USP31: variants seen among roughly 807,000 people sequenced by gnomAD.
The protein encoded by USP31 is ubiquitin carboxyl-terminal hydrolase 31.
USP31 carries 44 observed loss-of-function variants against 119.4 expected under a neutral mutation model. That is an observed-to-expected ratio of 0.37 (90% CI 0.29 to 0.47). USP31 has a LOEUF of 0.47. Among genes scored for constraint, USP31 ranks in the 20% least tolerant of loss-of-function variants. USP31 has a pLI of 0.99. For missense variants in USP31, 1,643 were observed against 1,730.2 expected (o/e 0.95, Z 0.89); for synonymous variants, 749 against 705.6 (o/e 1.06, Z -0.97).
chr16:23,068,823 T>C lies in USP31; in HGVS notation c.3282A>G (p.Gln1094=), dbSNP rs367578758. The C allele has an allele frequency of 5.1e-5, 80 of 1,555,206 alleles. No individual in the cohort carries two copies. The highest frequency in any genetic ancestry group is 2.8e-4 in the African/African-American group (20 of 72,646). Residue 1094 remains glutamine, a synonymous_variant, in exon 16 of 16, where the codon CAA becomes CAG. Transcript: ENST00000219689. The stretch of plus-strand genomic sequence containing the variant: ...ATTTCGGGGATGACTCCTTTTTGGG[T>C]TGGGCAGGGGCAGGGGATGAATGCC... ...SGRHSSPAPA[Q]PKKESSPKSQ...
At chr16:23,109,831 G>A (rs1902245897) in intron 1 of USP31, among the ~76,000 whole-genome samples, 1 of 123,778 alleles carries the variant, frequency 8.1e-6, no homozygotes, top group Non-Finnish European at 1.7e-5. Flanking sequence ...CAAACTGAGG[G>A]ACATTCTACC....
rs150921802 is a variant in USP31, at chr16:23,084,926, C to T, written c.1764G>A (p.Glu588=). 2.0e-5 allele frequency: 33 copies of T among 1,614,104 alleles called. No homozygotes were observed. In the East Asian group the frequency reaches 3.1e-4, roughly 15 times the overall value. Residue 588 remains glutamate (E), a synonymous_variant, in exon 11 of 16, where the codon GAG becomes GAA. Transcript: ENST00000219689. ...PDAESVRLQR[E]RHHQPQTCTL... Reference sequence around the variant, plus strand: ...TGCAGGTTTGAGGCTGATGATGACGCTCCCTTTGCAGACGAACACTTTCTG... The same window carrying T: ...TGCAGGTTTGAGGCTGATGATGACGTTCCCTTTGCAGACGAACACTTTCTG...
At chr16:23,136,077 G>A (rs748125782) in intron 1 of USP31, among the ~76,000 whole-genome samples, 13 of 152,038 alleles carry the variant, frequency 8.6e-5, no homozygotes, top group Admixed American at 1.3e-4. Flanking sequence ...TTCAACAAGG[G>A]TACCAAGATC....
intron 1 of USP31, among the ~76,000 whole-genome samples, chr16:23,130,090 T>A (rs1902982349): frequency 6.6e-6 from 1 of 152,092 alleles, no homozygotes; most frequent in African/African-American, 2.4e-5. Context: ...TGAACCAAAG[T>A]CTCTGATGCT....
At chr16:23,114,146 G>C (rs140109886) in intron 1 of USP31, among the ~76,000 whole-genome samples, 1 of 152,034 alleles carries the variant, frequency 6.6e-6, no homozygotes, top group Non-Finnish European at 1.5e-5. Context: ...GGGAAAAGGA[G>C]AGATTGATTT....
intron 1 of USP31, among the ~76,000 whole-genome samples, chr16:23,122,070 T>C (rs991695480): frequency 1.3e-4 from 20 of 152,236 alleles, no homozygotes; most frequent in African/African-American, 4.8e-4. Flanking sequence ...ATATCAATTA[T>C]GTTATGCACA....
intron 1 of USP31, among the ~76,000 whole-genome samples, chr16:23,142,160 T>C (rs1006255797): frequency 6.6e-6 from 1 of 152,240 alleles, no homozygotes; most frequent in African/African-American, 2.4e-5. Flanking sequence ...ATCCCATGTA[T>C]TTTTATTCCT....
intron 1 of USP31, among the ~76,000 whole-genome samples, chr16:23,125,719 C>T (rs1902831608): frequency 6.6e-6 from 1 of 152,168 alleles, no homozygotes; most frequent in African/African-American, 2.4e-5. Flanking sequence ...TGTCACTGTA[C>T]TGTTATAAAG....
In USP31 at chr16:23,067,131, T is replaced by C; in HGVS notation, c.*915A>G. 1 of 152,594 alleles carries C rather than the reference T, an allele frequency of 6.6e-6. No individual in the cohort carries two copies. Among genetic ancestry groups the C allele is most frequent in the Non-Finnish European group, 1.5e-5 (1 of 68,052 alleles). 9.5% of individuals were successfully genotyped at this position (152,594 alleles called of 1,614,324 possible). A position where few individuals can be genotyped will look rare whatever the true frequency, so the allele number is the denominator to read the frequency against. On this transcript the variant is annotated 3_prime_UTR_variant, in exon 16 of 16. Coordinates refer to ENST00000219689, the MANE Select transcript of USP31 (RefSeq NM_020718.4). Reference sequence around the variant, plus strand: ...AATGATGTCCAGTCTTTCACCCAGTTTAGAATCTAGAAGTTTTTTCCAGGA... The same window carrying C: ...AATGATGTCCAGTCTTTCACCCAGTCTAGAATCTAGAAGTTTTTTCCAGGA...
rs549440126 is a variant in USP31 at position 23,063,116 on chromosome 16, G to C, written c.*4930C>G. The C allele has an allele frequency of 1.3e-5, 2 of 152,262 alleles. No individual in the cohort carries two copies. The highest frequency in any genetic ancestry group is 4.8e-5 in the African/African-American group (2 of 41,544). The allele number at this position is 152,262 out of a possible 1,614,324, so 9.4% of individuals were successfully genotyped here. A position where few individuals can be genotyped will look rare whatever the true frequency, so the allele number is the denominator to read the frequency against. ...TTCCCCAGCTGATTCTAGTTAATGT[G>C]GGTCTTCACTATCTCAGACAAGTCA... On this transcript the variant is annotated 3_prime_UTR_variant, in exon 16 of 16. Coordinates refer to ENST00000219689, the MANE Select transcript of USP31 (RefSeq NM_020718.4).
chr16:23,149,398 G>T lies in USP31; in HGVS notation c.-128C>A. The T allele has an allele frequency of 1.0e-6, 1 of 967,288 alleles. No homozygotes were observed. Among genetic ancestry groups the T allele is most frequent in the South Asian group, 4.7e-5 (1 of 21,128 alleles). 59.9% of individuals were successfully genotyped at this position (967,288 alleles called of 1,614,324 possible). A position where few individuals can be genotyped will look rare whatever the true frequency, so the allele number is the denominator to read the frequency against. On this transcript the variant is annotated 5_prime_UTR_variant, in exon 1 of 16. Coordinates refer to ENST00000219689, the MANE Select transcript of USP31 (RefSeq NM_020718.4). ...GGCTCGACGCCCCACACACCTCAAA[G>T]CGCAGCCGAGCCAGCGAGCGAGCGG...
chr16:23,070,059 C>T (rs755627508), intron 15 of USP31, among the ~76,000 whole-genome samples: 2 of 152,210 alleles, frequency 1.3e-5, no homozygotes, highest in Non-Finnish European at 2.9e-5. Flanking sequence ...GCCTATGGGG[C>T]TACAGTTTGC....
At chr16:23,075,148 T>C (rs540053498) in intron 13 of USP31, among the ~76,000 whole-genome samples, 4 of 152,326 alleles carry the variant, frequency 2.6e-5, no homozygotes, top group Middle Eastern at 3.4e-3. Flanking sequence ...GGGAAGTTAT[T>C]TGCAGCTGAG....
intron 1 of USP31, among the ~76,000 whole-genome samples, chr16:23,138,735 G>A (rs1019514244): frequency 6.6e-6 from 1 of 151,948 alleles, no homozygotes; most frequent in African/African-American, 2.4e-5. Flanking sequence ...GCACTTACAG[G>A]GTTTGCTGCC....
In USP31 at chr16:23,069,283, G is replaced by A. The variant is rs1377804718; in HGVS notation, c.2822C>T (p.Pro941Leu). 6.2e-7 allele frequency: 1 copy of A among 1,612,326 alleles called. No individual in the cohort carries two copies. The change falls in exon 16 of 16, where the codon CCT (proline) becomes CTT (leucine). Residue 941 changes from proline (P) to leucine (L), a missense_variant. Physicochemically the swap from Pro to Leu is moderately conservative, Grantham distance 98. Coordinates refer to ENST00000219689, the MANE Select transcript of USP31 (RefSeq NM_020718.4). ...GAACACGCCTTCCATGACAGCCAGA[G>A]GGGCCCGGCCCACAGCCTTGTGCTC... Reference protein sequence around the residue: ...RREHKAVGRAPLAVMEGVFKD... With the variant: ...RREHKAVGRALLAVMEGVFKD...
At chr16:23,110,324 A>G (rs1596718638) in intron 1 of USP31, among the ~76,000 whole-genome samples, 1 of 152,362 alleles carries the variant, frequency 6.6e-6, no homozygotes, top group African/African-American at 2.4e-5. Context: ...ACTAACAGAC[A>G]AGAAACCCTT....
chr16:23,074,093 C>T, intron 13 of USP31: 1 of 564,166 alleles, frequency 1.8e-6, no homozygotes, highest in Non-Finnish European at 3.1e-6. Flanking sequence ...CAAGTAGATG[C>T]AGTTCCAGTT....
chr16:23,141,110 G>C (rs1903339356), intron 1 of USP31, among the ~76,000 whole-genome samples: 1 of 152,120 alleles, frequency 6.6e-6, no homozygotes, highest in African/African-American at 2.4e-5. Flanking sequence ...CATGACTCTT[G>C]GAATAAAATC....
At chr16:23,130,912 A>C (rs1445158226) in intron 1 of USP31, among the ~76,000 whole-genome samples, 1 of 152,206 alleles carries the variant, frequency 6.6e-6, no homozygotes, top group African/African-American at 2.4e-5. Flanking sequence ...TTGGATCCAA[A>C]TGCAAGATGC....
Sources: allele counts gnomAD v4.1 joint callset (sites outside exome capture counted in the v4.1 genomes callset), GRCh38; gene constraint gnomAD v4.1.1; transcripts MANE v1.5; gene names NCBI Gene and HGNC (gene_info 2026-07-23, HGNC 2026-07-21).